The following MARCHF3 variants were observed in gnomAD, a reference collection of about 807,000 sequenced individuals.
MARCHF3 encodes the protein E3 ubiquitin-protein ligase MARCHF3.
In MARCHF3, 13 loss-of-function variants were observed where a neutral mutation model predicts 24.2. The ratio of observed to expected loss-of-function variants is 0.54; its 90% CI spans 0.35 to 0.85. MARCHF3 has a LOEUF of 0.85. Among genes scored for constraint, MARCHF3 ranks in the 40% least tolerant of loss-of-function variants. The pLI, the probability that MARCHF3 is intolerant of heterozygous loss-of-function variation, is 0.01. For missense variants in MARCHF3, 276 were observed against 325.0 expected (o/e 0.85, Z 1.16); for synonymous variants, 144 against 137.3 (o/e 1.05, Z -0.34).
At chr5:126,914,276 C>T (rs1010618904) in intron 3 of MARCHF3, among the ~76,000 whole-genome samples, 4 of 152,072 alleles carry the variant, frequency 2.6e-5, no homozygotes, top group Admixed American at 2.0e-4. Context: ...AGCCACCGCG[C>T]CCAGCCAAGA....
chr5:126,898,793 A>C, intron 3 of MARCHF3: 1 of 926,532 alleles, frequency 1.1e-6, no homozygotes, highest in Non-Finnish European at 1.3e-6. Flanking sequence ...AAGACTTTGA[A>C]CCTCACTACT....
intron 1 of MARCHF3, among the ~76,000 whole-genome samples, chr5:126,994,063 T>C (rs1751866683): frequency 6.6e-6 from 1 of 152,226 alleles, no homozygotes; most frequent in Non-Finnish European, 1.5e-5. Flanking sequence ...AAAAATGGTA[T>C]ACGCATGCTT....
chr5:126,990,750 C>T (rs1751730822), intron 1 of MARCHF3, among the ~76,000 whole-genome samples: 3 of 152,158 alleles, frequency 2.0e-5, no homozygotes, highest in Admixed American at 2.0e-4. Context: ...TATGAACAGA[C>T]ACTTTTCAAA....
intron 1 of MARCHF3, among the ~76,000 whole-genome samples, chr5:127,013,930 C>T (rs1366505853): frequency 6.6e-6 from 1 of 151,982 alleles, no homozygotes; most frequent in East Asian, 1.9e-4. Context: ...AATTGTAAGA[C>T]CTGAAGCTAT....
chr5:127,027,753 C>A (rs1252946308), intron 1 of MARCHF3, among the ~76,000 whole-genome samples: 1 of 152,196 alleles, frequency 6.6e-6, no homozygotes, highest in East Asian at 1.9e-4. Flanking sequence ...TAAATGCCAC[C>A]TGGACATTTC....
At chr5:127,000,257 T>G (rs1752084007) in intron 1 of MARCHF3, among the ~76,000 whole-genome samples, 1 of 151,248 alleles carries the variant, frequency 6.6e-6, no homozygotes, top group Non-Finnish European at 1.5e-5. Context: ...TTCTCAGATC[T>G]TTTTGAAAAA....
chr5:126,914,899 T>TAA (rs1561424047), intron 3 of MARCHF3, 31 bp downstream of exon 3: 1 of 1,612,090 alleles, frequency 6.2e-7, no homozygotes, highest in East Asian at 2.2e-5. Flanking sequence ...TCATTAGAGC[T>TAA]AAGTTTTCAG....
rs539315652 is a variant in MARCHF3, at chr5:126,870,684, G to C, written c.711C>G (p.Ser237=). The change falls in exon 5 of 5, where the codon TCC becomes TCG. Residue 237 remains serine, a synonymous_variant. Transcript: ENST00000308660. ...KSVNVPSNQP[S]LLGLHSVKRN... ...TCTTGACCGAATGGAGGCCCAGCAA[G>C]GACGGCTGGTTAGAAGGTACATTGA... The C allele has an allele frequency of 1.9e-6, 3 of 1,614,196 alleles. No individual in the cohort carries two copies. The African/African-American group carries it at 4.0e-5, about 22-fold the overall frequency.
intron 3 of MARCHF3, among the ~76,000 whole-genome samples, chr5:126,895,961 GA>G (rs2126779410): frequency 6.6e-6 from 1 of 152,252 alleles, no homozygotes; most frequent in Non-Finnish European, 1.5e-5. Flanking sequence ...AGCAATCAGC[GA>G]GAATCCGTGG....
At chr5:126,878,430 G>A in intron 3 of MARCHF3, 36 bp from the exon 4 acceptor site, 2 of 1,580,168 alleles carry the variant, frequency 1.3e-6, no homozygotes, top group South Asian at 2.3e-5. Context: ...GAGCAAGGGA[G>A]AGGGTTAAAT....
chr5:126,897,020 C>G, intron 3 of MARCHF3, among the ~76,000 whole-genome samples: 1 of 141,134 alleles, frequency 7.1e-6, no homozygotes, highest in Admixed American at 7.2e-5. Flanking sequence ...ATCCTTGGTT[C>G]AATCCAACTT....
At chr5:126,940,097 G>C (rs770242051) in intron 1 of MARCHF3, among the ~76,000 whole-genome samples, 37 of 152,194 alleles carry the variant, frequency 2.4e-4, no homozygotes, top group Non-Finnish European at 2.6e-4. Context: ...TAATGTGTGA[G>C]AGTTAAAACA....
intron 1 of MARCHF3, among the ~76,000 whole-genome samples, chr5:126,957,520 G>A (rs577622229): frequency 2.2e-4 from 33 of 152,132 alleles, no homozygotes; most frequent in African/African-American, 7.0e-4. Context: ...TGTATTGCAT[G>A]ATGTTAAAAA....
At chr5:126,969,329 C>T (rs1203768639) in intron 1 of MARCHF3, among the ~76,000 whole-genome samples, 1 of 152,058 alleles carries the variant, frequency 6.6e-6, no homozygotes, top group African/African-American at 2.4e-5. Context: ...GTTTTTTGCT[C>T]TTTTGCAGCA....
intron 3 of MARCHF3, among the ~76,000 whole-genome samples, chr5:126,883,836 C>T (rs1285194426): frequency 5.3e-5 from 8 of 152,316 alleles, no homozygotes; most frequent in Admixed American, 2.0e-4. Context: ...AGATTACACT[C>T]TGGTGGCTAA....
At chr5:126,925,852 C>T (rs1188187646) in intron 1 of MARCHF3, among the ~76,000 whole-genome samples, 1 of 152,170 alleles carries the variant, frequency 6.6e-6, no homozygotes, top group East Asian at 1.9e-4. Flanking sequence ...ATGTACTCTT[C>T]AAATGATATT....
At chr5:126,879,979 G>A (rs967442392) in intron 3 of MARCHF3, among the ~76,000 whole-genome samples, 3 of 152,154 alleles carry the variant, frequency 2.0e-5, no homozygotes, top group Non-Finnish European at 1.5e-5. Context: ...AGTGGCCAGG[G>A]CAGCGAATCC....
intron 1 of MARCHF3, among the ~76,000 whole-genome samples, chr5:126,971,629 A>G (rs1379896159): frequency 6.6e-6 from 1 of 152,098 alleles, no homozygotes; most frequent in Non-Finnish European, 1.5e-5. Context: ...AGCAGCTCTT[A>G]CACTGCTCCC....
At chr5:126,998,618 G>A (rs1167113597) in intron 1 of MARCHF3, among the ~76,000 whole-genome samples, 3 of 152,172 alleles carry the variant, frequency 2.0e-5, no homozygotes, top group African/African-American at 4.8e-5. Context: ...AGGGAGGTGG[G>A]GTAAGGGAAG....
Sources: gnomAD v4.1 joint callset for allele counts (sites outside exome capture counted in the v4.1 genomes callset) on GRCh38, gnomAD v4.1.1 for gene constraint, MANE v1.5 for transcripts, NCBI Gene and HGNC (gene_info 2026-07-23, HGNC 2026-07-21) for gene names.